Variants in NAPB observed in about 807,000 individuals in gnomAD.
NAPB encodes NSF attachment protein beta, also known as beta-soluble NSF attachment protein.
NAPB carries 26 observed loss-of-function variants against 44.7 expected under a neutral mutation model. The ratio of observed to expected loss-of-function variants is 0.58; its 90% CI spans 0.43 to 0.81. The LOEUF is 0.81. Among genes scored for constraint, NAPB ranks in the 30% least tolerant of loss-of-function variants. NAPB has a pLI of 0.00. For synonymous variants in NAPB, 120 were observed against 116.8 expected (o/e 1.03, Z -0.18); for missense variants, 315 against 356.4 (o/e 0.88, Z 0.94).
chr20:23,409,854 T>C (rs1985529128), intron 1 of NAPB, among the ~76,000 whole-genome samples: 2 of 152,156 alleles, frequency 1.3e-5, no homozygotes, highest in African/African-American at 4.8e-5. Context: ...CTACCAGAGC[T>C]AGCAACACTG....
At chr20:23,386,547 T>C (rs1024848089) in intron 7 of NAPB, among the ~76,000 whole-genome samples, 12 of 152,198 alleles carry the variant, frequency 7.9e-5, no homozygotes, top group Admixed American at 2.0e-4. Context: ...AACAAAATGT[T>C]AGCAAACCAA....
intron 8 of NAPB, 37 bp from the exon 9 acceptor site, chr20:23,379,972 C>T (rs764687979): frequency 6.4e-7 from 1 of 1,553,272 alleles, no homozygotes; most frequent in Admixed American, 1.7e-5. Flanking sequence ...TTCAGACTTA[C>T]TAAACAAACA....
chr20:23,383,564 G>A (rs565407286), intron 7 of NAPB, among the ~76,000 whole-genome samples: 1 of 152,118 alleles, frequency 6.6e-6, no homozygotes, highest in African/African-American at 2.4e-5. Context: ...TAAAGGAAAA[G>A]AACAATCAAC....
At chr20:23,398,125 T>A (rs1984511110) in intron 2 of NAPB, among the ~76,000 whole-genome samples, 1 of 152,112 alleles carries the variant, frequency 6.6e-6, no homozygotes, top group Admixed American at 6.6e-5. Flanking sequence ...CCAGAGGGTT[T>A]AAACATCAAC....
At chr20:23,386,372 G>A (rs1177285204) in intron 7 of NAPB, among the ~76,000 whole-genome samples, 1 of 152,178 alleles carries the variant, frequency 6.6e-6, no homozygotes, top group African/African-American at 2.4e-5. Flanking sequence ...AACATTTAAA[G>A]AGGAATTCAC....
intron 1 of NAPB, among the ~76,000 whole-genome samples, chr20:23,421,049 T>A (rs930702410): frequency 1.4e-5 from 2 of 147,308 alleles, no homozygotes; most frequent in African/African-American, 5.1e-5. Flanking sequence ...GGATGCGGGG[T>A]TTCCAGGGAC....
At chr20:23,412,006 A>G (rs1985690278) in intron 1 of NAPB, among the ~76,000 whole-genome samples, 2 of 152,234 alleles carry the variant, frequency 1.3e-5, no homozygotes, top group South Asian at 4.1e-4. Context: ...CTTAAAATAA[A>G]GAGATGGTCA....
chr20:23,405,313 A>AAGAG (rs71330888), intron 1 of NAPB, among the ~76,000 whole-genome samples: 1 of 140,058 alleles, frequency 7.1e-6, no homozygotes, highest in East Asian at 2.2e-4. Context: ...GAGACAGAGA[A>AAGAG]AGAGAGAGAG....
intron 7 of NAPB, among the ~76,000 whole-genome samples, chr20:23,383,098 T>TGA (rs1983159685): frequency 7.4e-6 from 1 of 134,420 alleles, no homozygotes; most frequent in Non-Finnish European, 1.5e-5. Flanking sequence ...AAGGTTGCAG[T>TGA]GAGACAAGAT....
chr20:23,384,286 G>C (rs1289405528), intron 7 of NAPB, among the ~76,000 whole-genome samples: 1 of 152,182 alleles, frequency 6.6e-6, no homozygotes, highest in Non-Finnish European at 1.5e-5. Context: ...AGTAGGCTGG[G>C]TGTGGTGGCT....
chr20:23,394,028 A>G (rs1190920298), intron 5 of NAPB, among the ~76,000 whole-genome samples: 1 of 152,214 alleles, frequency 6.6e-6, no homozygotes, highest in Non-Finnish European at 1.5e-5. Context: ...CAGGCCACAC[A>G]GATGCATGGG....
intron 7 of NAPB, 47 bp downstream of exon 7, chr20:23,389,899 A>T (rs767214422): frequency 6.5e-7 from 1 of 1,543,484 alleles, no homozygotes; most frequent in Non-Finnish European, 8.8e-7. Flanking sequence ...TTAATTTTGA[A>T]AAATTATTCA....
chr20:23,403,801 C>T (rs752537282), intron 1 of NAPB, among the ~76,000 whole-genome samples: 1 of 152,072 alleles, frequency 6.6e-6, no homozygotes, highest in African/African-American at 2.4e-5. Flanking sequence ...CATCTTTACC[C>T]TGTTATCTCC....
Position 23,394,993 on chromosome 20 carries a change from A to G in NAPB, c.349T>C (p.Phe117Leu), listed in dbSNP as rs753558571. Residue 117 changes from phenylalanine (F) to leucine (L), a missense_variant, in exon 5 of 11, where the codon TTT becomes CTT. Coordinates refer to ENST00000377026, the MANE Select transcript of NAPB (RefSeq NM_022080.3). ...AIDIYTDMGRFTIAAKHHITI... is the reference protein window; with the variant it reads ...AIDIYTDMGRLTIAAKHHITI... Reference sequence around the variant, plus strand: ...ATGTGGTGCTTGGCTGCAATTGTAAACCTTCCCTAGGGGAAAAAACAAGAA... The same window carrying G: ...ATGTGGTGCTTGGCTGCAATTGTAAGCCTTCCCTAGGGGAAAAAACAAGAA... The G allele has an allele frequency of 6.2e-7, 1 of 1,614,092 alleles. No homozygotes were observed.
At position 23,421,464 on chromosome 20, in the gene NAPB, C is replaced by T. The variant is rs983776877; in HGVS notation, c.-62G>A. 1.4e-6 allele frequency: 2 copies of T among 1,456,000 alleles called. No individual in the cohort carries two copies. Among genetic ancestry groups the T allele is most frequent in the Non-Finnish European group, 1.8e-6 (2 of 1,086,210 alleles). The allele number at this position is 1,456,000 out of a possible 1,614,324, so 90.2% of individuals were successfully genotyped here. Reference sequence around the variant, plus strand: ...CTCGCTGTGCGCCCAGGCGCCTTAACCCTCCCTCTGGCGGCCGCAGGGACG... The same window carrying T: ...CTCGCTGTGCGCCCAGGCGCCTTAATCCTCCCTCTGGCGGCCGCAGGGACG... On this transcript the variant is annotated 5_prime_UTR_variant, in exon 1 of 11. Transcript: ENST00000377026.
intron 7 of NAPB, among the ~76,000 whole-genome samples, chr20:23,385,215 TATC>T (rs1223444521): frequency 6.6e-6 from 1 of 151,920 alleles, no homozygotes; most frequent in Non-Finnish European, 1.5e-5. Flanking sequence ...TGGACAAACA[TATC>T]ATATAAACAT....
intron 2 of NAPB, among the ~76,000 whole-genome samples, chr20:23,401,551 A>G (rs996181069): frequency 6.6e-6 from 1 of 152,162 alleles, no homozygotes; most frequent in African/African-American, 2.4e-5. Flanking sequence ...GGAATTTCCA[A>G]AGGTTAGAAT....
In NAPB at chr20:23,377,190, G is replaced by A. The variant is rs1224872598; in HGVS notation, c.*186C>T. On this transcript the variant is annotated 3_prime_UTR_variant, in exon 11 of 11. Coordinates refer to ENST00000377026, the MANE Select transcript of NAPB (RefSeq NM_022080.3). ...ATGAAACAACCCATCATTACCACAA[G>A]ATGAACAGGAGCCTCTCCTTCATTC... The A allele has an allele frequency of 2.7e-6, 1 of 376,588 alleles. No individual in the cohort carries two copies. The highest frequency in any genetic ancestry group is 2.1e-5 in the African/African-American group (1 of 48,530). The allele number at this position is 376,588 out of a possible 1,614,324, so 23.3% of individuals were successfully genotyped here. A position where few individuals can be genotyped will look rare whatever the true frequency, so the allele number is the denominator to read the frequency against.
chr20:23,386,534 C>T (rs1394382969), intron 7 of NAPB, among the ~76,000 whole-genome samples: 1 of 152,068 alleles, frequency 6.6e-6, no homozygotes, highest in Non-Finnish European at 1.5e-5. Flanking sequence ...ACATAAAATC[C>T]TCAACAAAAT....
Sources: allele counts gnomAD v4.1 joint callset (sites outside exome capture counted in the v4.1 genomes callset), GRCh38; gene constraint gnomAD v4.1.1; transcripts MANE v1.5; gene names NCBI Gene and HGNC (gene_info 2026-07-23, HGNC 2026-07-21).